CDH7: variants seen among roughly 807,000 people sequenced by gnomAD.
CDH7 encodes cadherin-7.
In CDH7, 25 loss-of-function variants were observed where a neutral mutation model predicts 71.8. That is an observed-to-expected ratio of 0.35 (90% CI 0.25 to 0.49). The LOEUF is 0.49. CDH7 is among the 20% of genes least tolerant of loss of function. The probability of loss-of-function intolerance (pLI) is 0.99; values close to 1 mark genes in which losing one functional copy is unlikely to be tolerated. For synonymous variants in CDH7, 381 were observed against 363.8 expected (o/e 1.05, Z -0.54); for missense variants, 862 against 974.6 (o/e 0.88, Z 1.54).
chr18:65,773,499 A>T (rs1270784498), intron 2 of CDH7, among the ~76,000 whole-genome samples: 1 of 152,066 alleles, frequency 6.6e-6, no homozygotes, highest in Non-Finnish European at 1.5e-5. Context: ...GGAAGCAGGA[A>T]TTGTCTTGAA....
intron 1 of CDH7, among the ~76,000 whole-genome samples, chr18:65,762,046 A>G (rs1461073252): frequency 6.6e-6 from 1 of 152,236 alleles, no homozygotes; most frequent in African/African-American, 2.4e-5. Context: ...CAAAGAGTGG[A>G]AAATGGAAAC....
intron 1 of CDH7, among the ~76,000 whole-genome samples, chr18:65,761,426 A>T (rs984867184): frequency 6.6e-6 from 1 of 151,994 alleles, no homozygotes; most frequent in South Asian, 2.1e-4. Flanking sequence ...TTCTTACAGA[A>T]GGGACAGGTA....
intron 2 of CDH7, among the ~76,000 whole-genome samples, chr18:65,794,211 A>G (rs1910823515): frequency 6.6e-6 from 1 of 151,912 alleles, no homozygotes; most frequent in African/African-American, 2.4e-5. Context: ...ATTATGGTGT[A>G]CATTACAGTC....
intron 7 of CDH7, among the ~76,000 whole-genome samples, chr18:65,853,553 C>T (rs1477160537): frequency 6.6e-6 from 1 of 151,424 alleles, no homozygotes. Flanking sequence ...TTTTGCATGT[C>T]CAGAGGGGCT....
At chr18:65,834,987 C>T (rs1336244432) in intron 6 of CDH7, among the ~76,000 whole-genome samples, 1 of 152,116 alleles carries the variant, frequency 6.6e-6, no homozygotes, top group African/African-American at 2.4e-5. Context: ...GGCCTGGGCT[C>T]AGTAGGATAT....
intron 2 of CDH7, among the ~76,000 whole-genome samples, chr18:65,802,381 C>A (rs1911154845): frequency 6.6e-6 from 1 of 152,160 alleles, no homozygotes; most frequent in Non-Finnish European, 1.5e-5. Context: ...GGTGAGCTGA[C>A]TATAACAGTT....
intron 2 of CDH7, among the ~76,000 whole-genome samples, chr18:65,780,918 GTTT>G (rs35645871): frequency 0.018 from 1,861 of 104,814 alleles, 34 homozygotes; most frequent in African/African-American, 0.051. Flanking sequence ...CTCTATTCCT[GTTT>G]TTTTTTTTTT....
chr18:65,826,655 C>A lies in CDH7; in HGVS notation c.981+1824C>A, dbSNP rs535863461. On this transcript the variant is annotated intron_variant, in intron 6 of 11. Coordinates refer to ENST00000397968, the MANE Select transcript of CDH7 (RefSeq NM_004361.5). ...GTATCATTTCTAAATCTTACCTTCACTGCTTTTTCAATAATATGTAACATT... is the reference window on the plus strand; with the variant it reads ...GTATCATTTCTAAATCTTACCTTCAATGCTTTTTCAATAATATGTAACATT... Among the ~76,000 whole-genome samples, 195 of 151,414 alleles carry A rather than the reference C, an allele frequency of 1.3e-3. 1 individual carries two copies. Among genetic ancestry groups the A allele is most frequent in the African/African-American group, 4.6e-3 (190 of 41,452 alleles).
chr18:65,858,791 G>A (rs550445984), intron 8 of CDH7, 134 bp from the exon 9 acceptor site: 142 of 726,706 alleles, frequency 2.0e-4, no homozygotes, highest in Middle Eastern at 8.2e-4. Flanking sequence ...TCATATTTTC[G>A]TATTTTCTAT....
intron 2 of CDH7, among the ~76,000 whole-genome samples, chr18:65,780,097 GTCT>G (rs1424359849): frequency 2.9e-5 from 3 of 104,052 alleles, no homozygotes; most frequent in Non-Finnish European, 5.3e-5. Context: ...CTGCATAAAT[GTCT>G]TCTTTTGAGA....
At chr18:65,798,385 C>T (rs1354784593) in intron 2 of CDH7, among the ~76,000 whole-genome samples, 1 of 152,180 alleles carries the variant, frequency 6.6e-6, no homozygotes, top group African/African-American at 2.4e-5. Flanking sequence ...TAAATGTTCC[C>T]CTCTGTCACC....
At chr18:65,768,329 G>A (rs544362853) in intron 2 of CDH7, among the ~76,000 whole-genome samples, 4 of 151,524 alleles carry the variant, frequency 2.6e-5, no homozygotes, top group African/African-American at 7.3e-5. Context: ...TCCGCCTCCC[G>A]GTTCAAGCAA....
At chr18:65,821,725 GA>G (rs1021553199) in intron 4 of CDH7, among the ~76,000 whole-genome samples, 1 of 152,074 alleles carries the variant, frequency 6.6e-6, no homozygotes, top group African/African-American at 2.4e-5. Context: ...TGAGATGGAA[GA>G]AAAAGACAAG....
intron 1 of CDH7, among the ~76,000 whole-genome samples, chr18:65,753,784 T>C (rs1363073465): frequency 1.3e-5 from 2 of 152,184 alleles, no homozygotes; most frequent in Non-Finnish European, 1.5e-5. Context: ...AAGATACCCC[T>C]GCAAGCACTT....
At chr18:65,878,797 C>T (rs1914139716) in intron 11 of CDH7, among the ~76,000 whole-genome samples, 1 of 152,146 alleles carries the variant, frequency 6.6e-6, no homozygotes, top group African/African-American at 2.4e-5. Context: ...GCAGGGATAT[C>T]TGTGCCAATG....
At chr18:65,766,779 G>A (rs1269273375) in intron 2 of CDH7, among the ~76,000 whole-genome samples, 1 of 150,358 alleles carries the variant, frequency 6.7e-6, no homozygotes, top group East Asian at 2.0e-4. Flanking sequence ...ACAGTACATA[G>A]GAGGTCCCAG....
At chr18:65,828,513 T>C (rs1469575053) in intron 6 of CDH7, among the ~76,000 whole-genome samples, 1 of 152,148 alleles carries the variant, frequency 6.6e-6, no homozygotes, top group East Asian at 1.9e-4. Flanking sequence ...AAAAAATTGG[T>C]ATGTATTAAA....
intron 11 of CDH7, among the ~76,000 whole-genome samples, chr18:65,864,289 G>A (rs1913681485): frequency 6.6e-6 from 1 of 152,090 alleles, no homozygotes; most frequent in Non-Finnish European, 1.5e-5. Flanking sequence ...CCTGTGGCCT[G>A]CAAGCCGCAA....
chr18:65,766,633 A>G (rs1015540576), intron 2 of CDH7, among the ~76,000 whole-genome samples: 1 of 152,100 alleles, frequency 6.6e-6, no homozygotes, highest in Non-Finnish European at 1.5e-5. Context: ...TTTAAAAAAT[A>G]ATAGTGCCCC....
Sources: gnomAD v4.1 joint callset for allele counts (sites outside exome capture counted in the v4.1 genomes callset) on GRCh38, gnomAD v4.1.1 for gene constraint, MANE v1.5 for transcripts, NCBI Gene and HGNC (gene_info 2026-07-23, HGNC 2026-07-21) for gene names.